Variants in ARK2C observed in about 807,000 individuals in gnomAD.
ARK2C encodes the protein E3 ubiquitin-protein ligase ARK2C.
chr18:46,422,447 G>T, the ARK2C span, among the ~76,000 whole-genome samples: 1 of 152,170 alleles, frequency 6.6e-6, no homozygotes, highest in Non-Finnish European at 1.5e-5. Context: ...AGAGGGGAGA[G>T]GAGGCTCCCT....
chr18:46,463,005 T>C, the ARK2C span: 1 of 152,268 alleles, frequency 6.6e-6, no homozygotes. Flanking sequence ...AGAATATTTA[T>C]TATGAATATT....
chr18:46,450,611 C>A, the ARK2C span: 1 of 1,005,052 alleles, frequency 9.9e-7, no homozygotes. Flanking sequence ...TGAATGCTTC[C>A]TGCTCATGTC....
chr18:46,395,944 G>A, the ARK2C span, among the ~76,000 whole-genome samples: 85 of 152,306 alleles, frequency 5.6e-4, no homozygotes, highest in African/African-American at 1.9e-3. Context: ...ACTCAGACAC[G>A]TGTGGCTTGC....
At chr18:46,337,640 T>G in the ARK2C span, 1 of 968,256 alleles carries the variant, frequency 1.0e-6, no homozygotes, top group Non-Finnish European at 1.2e-6. Context: ...AGAACTAGTT[T>G]TCCTATATTA....
the ARK2C span, chr18:46,447,820 G>A: frequency 9.4e-7 from 1 of 1,064,116 alleles, no homozygotes; most frequent in Non-Finnish European, 1.4e-6. Flanking sequence ...CTGTGCCCCG[G>A]CTTCCACATG....
the ARK2C span, among the ~76,000 whole-genome samples, chr18:46,410,318 G>C: frequency 6.6e-6 from 1 of 152,210 alleles, no homozygotes; most frequent in African/African-American, 2.4e-5. Flanking sequence ...CAGAGAATGT[G>C]TTCCAGGTGC....
At chr18:46,421,365 ATCATTCATTCATTCAT>A in the ARK2C span, among the ~76,000 whole-genome samples, 8 of 151,580 alleles carry the variant, frequency 5.3e-5, no homozygotes, top group Non-Finnish European at 1.2e-4. Flanking sequence ...CCTGTTCGTG[ATCATTCATTCATTCAT>A]TCATTCATTC....
chr18:46,397,047 G>C, the ARK2C span, among the ~76,000 whole-genome samples: 1 of 152,214 alleles, frequency 6.6e-6, no homozygotes, highest in Non-Finnish European at 1.5e-5. Flanking sequence ...TTAGAAGCAG[G>C]AAGCTTTCTT....
chr18:46,356,174 A>G, the ARK2C span, among the ~76,000 whole-genome samples: 3 of 152,154 alleles, frequency 2.0e-5, no homozygotes, highest in African/African-American at 7.2e-5. Flanking sequence ...AAATTGCCTT[A>G]TTGTCCATTT....
At chr18:46,397,489 GGTGT>G in the ARK2C span, among the ~76,000 whole-genome samples, 2 of 101,954 alleles carry the variant, frequency 2.0e-5, no homozygotes, top group Admixed American at 1.9e-4. Context: ...GAGGTGTGAG[GGTGT>G]GTGTGTGTGT....
chr18:46,415,302 C>T, the ARK2C span, among the ~76,000 whole-genome samples: 5 of 152,112 alleles, frequency 3.3e-5, no homozygotes, highest in African/African-American at 7.2e-5. Flanking sequence ...GGGCGGATCA[C>T]GAGGTCAGGA....
the ARK2C span, among the ~76,000 whole-genome samples, chr18:46,385,549 T>A: frequency 6.6e-6 from 1 of 152,274 alleles, no homozygotes; most frequent in Non-Finnish European, 1.5e-5. Context: ...CAGATTCTGC[T>A]CCTGTCTGCT....
chr18:46,435,544 C>A, the ARK2C span: 2 of 658,182 alleles, frequency 3.0e-6, no homozygotes, highest in Admixed American at 2.4e-5. Flanking sequence ...TGCTCCCAGC[C>A]ACCCTCTGGG....
chr18:46,347,509 C>T, the ARK2C span, among the ~76,000 whole-genome samples: 177 of 152,282 alleles, frequency 1.2e-3, no homozygotes, highest in African/African-American at 4.1e-3. Flanking sequence ...TCGTGTCCTC[C>T]CTCTGAAGCG....
At chr18:46,445,289 C>A in the ARK2C span, among the ~76,000 whole-genome samples, 3 of 152,110 alleles carry the variant, frequency 2.0e-5, no homozygotes, top group African/African-American at 7.2e-5. Context: ...AGAGTAGAGA[C>A]TACTCTAGAT....
At chr18:46,410,568 T>C in the ARK2C span, among the ~76,000 whole-genome samples, 5 of 152,218 alleles carry the variant, frequency 3.3e-5, no homozygotes. Flanking sequence ...GTCAATTTCG[T>C]CCCAGGAAGA....
chr18:46,337,469 G>A, the ARK2C span: 36 of 985,326 alleles, frequency 3.7e-5, no homozygotes, highest in East Asian at 2.2e-3. Context: ...CTGCTGAAAC[G>A]TACTGTGGTC....
At chr18:46,361,080 T>A in the ARK2C span, among the ~76,000 whole-genome samples, 1 of 152,256 alleles carries the variant, frequency 6.6e-6, no homozygotes. Context: ...AAGATCACGC[T>A]GCTAACTGGG....
chr18:46,388,232 TG>T, the ARK2C span, among the ~76,000 whole-genome samples: 1 of 152,180 alleles, frequency 6.6e-6, no homozygotes, highest in Non-Finnish European at 1.5e-5. Flanking sequence ...AAATCCTGTA[TG>T]TAATACCACC....
Sources: allele counts gnomAD v4.1 joint callset (sites outside exome capture counted in the v4.1 genomes callset), GRCh38; gene constraint gnomAD v4.1.1; transcripts MANE v1.5; gene names NCBI Gene and HGNC (gene_info 2026-07-23, HGNC 2026-07-21).